ZMYM2: variants seen among roughly 807,000 people sequenced by gnomAD.
ZMYM2 encodes zinc finger MYM-type protein 2.
ZMYM2 carries 56 observed loss-of-function variants against 162.8 expected under a neutral mutation model. That is an observed-to-expected ratio of 0.34 (90% CI 0.28 to 0.43). ZMYM2 has a LOEUF of 0.43. Among genes scored for constraint, ZMYM2 ranks in the 20% least tolerant of loss-of-function variants. ZMYM2 has a pLI of 1.00. For missense variants in ZMYM2, 1,275 were observed against 1,621.8 expected, an observed-to-expected ratio of 0.79 and a Z score of 3.67; for synonymous variants, 510 against 541.6, an observed-to-expected ratio of 0.94 and a Z score of 0.81.
At chr13:20,065,460 A>G (rs1956602247) in intron 19 of ZMYM2, among the ~76,000 whole-genome samples, 1 of 152,190 alleles carries the variant, frequency 6.6e-6, no homozygotes, top group Admixed American at 6.6e-5. Context: ...AAACTGGACT[A>G]CATCAAAATT....
chr13:20,030,641 G>A (rs577781405), intron 9 of ZMYM2, among the ~76,000 whole-genome samples: 31 of 152,104 alleles, frequency 2.0e-4, no homozygotes, highest in East Asian at 9.7e-4. Context: ...TTCGTGATCC[G>A]CCCGCCTTGG....
chr13:20,029,922 G>A (rs947888994), intron 9 of ZMYM2, among the ~76,000 whole-genome samples: 28 of 151,374 alleles, frequency 1.8e-4, no homozygotes, highest in Non-Finnish European at 3.8e-4. Context: ...AGCTTCCCAA[G>A]TAGCTGGGAT....
chr13:19,978,536 C>T (rs530675710), intron 2 of ZMYM2, among the ~76,000 whole-genome samples: 2 of 152,040 alleles, frequency 1.3e-5, no homozygotes, highest in Non-Finnish European at 2.9e-5. Flanking sequence ...CCTGCCTCAG[C>T]CTGCCGAGTA....
chr13:19,885,876 TATACACATATATATGTGTATACAC>T, the ZMYM2 span, among the ~76,000 whole-genome samples: 1 of 109,820 alleles, frequency 9.1e-6, no homozygotes, highest in Non-Finnish European at 1.8e-5. Context: ...TATATATGTA[TATACACATATATATGTGTATACAC>T]ATATATATGT....
rs531738294 is a variant in ZMYM2, at chr13:19,967,285, A to G, written c.-11+7259A>G. Among the ~76,000 whole-genome samples the G allele has an allele frequency of 6.6e-5, 10 of 152,280 alleles. No homozygotes were observed. In the South Asian group the frequency reaches 1.2e-3, roughly 19 times the overall value. On this transcript the variant is annotated intron_variant, in intron 2 of 24. Coordinates refer to ENST00000610343, the MANE Select transcript of ZMYM2 (RefSeq NM_197968.4). ...AACTCGTGAATTTGGTGAGATCATGATATGTGAGTATGGTTCTAGAGATAT... is the reference window on the plus strand; with the variant it reads ...AACTCGTGAATTTGGTGAGATCATGGTATGTGAGTATGGTTCTAGAGATAT...
chr13:20,048,615 G>A (rs1298824999), intron 12 of ZMYM2, among the ~76,000 whole-genome samples: 2 of 151,968 alleles, frequency 1.3e-5, no homozygotes, highest in Non-Finnish European at 2.9e-5. Flanking sequence ...TTAAAAAGAT[G>A]TATATATCAG....
chr13:19,865,481 A>T, the ZMYM2 span, among the ~76,000 whole-genome samples: 1 of 152,030 alleles, frequency 6.6e-6, no homozygotes, highest in Non-Finnish European at 1.5e-5. Context: ...GTCCTCAGTT[A>T]CTCTTTGGAA....
At chr13:20,077,250 CTGTT>C (rs1177387334) in intron 21 of ZMYM2, among the ~76,000 whole-genome samples, 1 of 150,522 alleles carries the variant, frequency 6.6e-6, no homozygotes, top group Non-Finnish European at 1.5e-5. Context: ...CATTTACTGA[CTGTT>C]TACTGCTTTC....
Position 20,034,353 on chromosome 13 carries a change from C to T in ZMYM2, c.2068C>T (p.Leu690Phe), listed in dbSNP as rs1474321344. ...YCEYCQEEKTLHETVNFSGVK... is the reference protein window; with the variant it reads ...YCEYCQEEKTFHETVNFSGVK... The stretch of plus-strand genomic sequence containing the variant: ...CGAATACTGTCAAGAGGAGAAGACT[C>T]TTCATGAAACAGTAAATTTCTCTGG... The change falls in exon 11 of 25, where the codon CTT becomes TTT. Residue 690 changes from leucine to phenylalanine, a missense_variant. Transcript: ENST00000610343. The T allele has an allele frequency of 6.2e-7, 1 of 1,608,928 alleles. No individual in the cohort carries two copies. The highest frequency in any genetic ancestry group is 8.5e-7 in the Non-Finnish European group (1 of 1,178,234).
upstream of ZMYM2, among the ~76,000 whole-genome samples, chr13:19,955,704 C>A (rs571854937): frequency 1.1e-3 from 167 of 152,282 alleles, 1 homozygote; most frequent in African/African-American, 3.9e-3. Context: ...TCACTGCAAC[C>A]TCCGCCTCCT....
intron 2 of ZMYM2, among the ~76,000 whole-genome samples, chr13:19,978,469 G>T (rs6490500): frequency 0.1 from 15,594 of 151,766 alleles, 1,315 homozygotes; most frequent in African/African-American, 0.22. Flanking sequence ...CAGGCTGGAG[G>T]GCAATGGTGC....
At chr13:20,056,981 C>A (rs999640420) in intron 14 of ZMYM2, among the ~76,000 whole-genome samples, 5 of 152,292 alleles carry the variant, frequency 3.3e-5, no homozygotes, top group African/African-American at 1.2e-4. Context: ...GCACAAGAGC[C>A]AGTTCTACAA....
At chr13:20,019,668 G>A in intron 7 of ZMYM2, 50 bp downstream of exon 7, 1 of 1,470,154 alleles carries the variant, frequency 6.8e-7, no homozygotes, top group Non-Finnish European at 9.3e-7. Flanking sequence ...TTTGAGCACT[G>A]CTACTACTGT....
intron 14 of ZMYM2, among the ~76,000 whole-genome samples, chr13:20,055,871 C>T (rs1050215184): frequency 3.3e-5 from 5 of 151,828 alleles, no homozygotes; most frequent in African/African-American, 1.2e-4. Context: ...AATGTTAAAA[C>T]GTTCTTGGCT....
the ZMYM2 span, among the ~76,000 whole-genome samples, chr13:19,919,755 G>A: frequency 2.7e-5 from 4 of 149,834 alleles, no homozygotes; most frequent in East Asian, 7.8e-4. Context: ...TCAGCTCACT[G>A]CAACCTTCAC....
intron 3 of ZMYM2, among the ~76,000 whole-genome samples, chr13:19,999,339 T>A (rs1950232290): frequency 6.6e-6 from 1 of 152,208 alleles, no homozygotes; most frequent in Admixed American, 6.5e-5. Context: ...CGTGTCTCTG[T>A]TTCACATTTT....
intron 7 of ZMYM2, chr13:20,026,106 G>T (rs1456875716): frequency 1.3e-5 from 2 of 152,132 alleles, no homozygotes; most frequent in African/African-American, 4.8e-5. Context: ...GATTTCAAAT[G>T]TAGTAGATAG....
At chr13:19,952,783 G>T in the ZMYM2 span, among the ~76,000 whole-genome samples, 472 of 152,252 alleles carry the variant, frequency 3.1e-3, 5 homozygotes, top group African/African-American at 0.011. Context: ...TCCTTTAAGG[G>T]TCTAGGATGT....
the ZMYM2 span, among the ~76,000 whole-genome samples, chr13:19,951,254 A>G: frequency 6.6e-6 from 1 of 152,166 alleles, no homozygotes; most frequent in Non-Finnish European, 1.5e-5. Context: ...AAGCTTCTGT[A>G]TCGTAAAGGA....
Sources: gnomAD v4.1 joint callset for allele counts (sites outside exome capture counted in the v4.1 genomes callset) on GRCh38, gnomAD v4.1.1 for gene constraint, MANE v1.5 for transcripts, NCBI Gene and HGNC (gene_info 2026-07-23, HGNC 2026-07-21) for gene names.